The following SEC63 variants were observed in gnomAD, a reference collection of about 807,000 sequenced individuals.
The protein encoded by SEC63 is SEC63 protein translocation regulator, also known as translocation protein SEC63 homolog.
SEC63 carries 56 observed loss-of-function variants against 116.2 expected under a neutral mutation model. The ratio of observed to expected loss-of-function variants is 0.48; its 90% confidence interval spans 0.39 to 0.60. The LOEUF is 0.60. SEC63 is among the 20% of genes least tolerant of loss of function. SEC63 has a pLI of 0.00. For synonymous variants in SEC63, 273 were observed against 294.6 expected (o/e 0.93, Z 0.75); for missense variants, 668 against 900.0 (o/e 0.74, Z 3.30).
intron 2 of SEC63, among the ~76,000 whole-genome samples, chr6:107,928,100 C>T (rs1787717182): frequency 6.6e-6 from 1 of 152,042 alleles, no homozygotes. Flanking sequence ...GAGAAAATTA[C>T]TCTTTTCAAG....
At chr6:107,872,656 G>T (rs538242685) in intron 20 of SEC63, 152 bp downstream of exon 20, 3 of 582,140 alleles carry the variant, frequency 5.2e-6, no homozygotes, top group East Asian at 3.0e-5. Flanking sequence ...GTTTATTATT[G>T]AAAGAGTAGT....
intron 4 of SEC63, among the ~76,000 whole-genome samples, chr6:107,920,208 C>T (rs1428308022): frequency 2.0e-5 from 3 of 151,626 alleles, no homozygotes; most frequent in Non-Finnish European, 4.4e-5. Context: ...AGGATCACGA[C>T]GTCAGGAAAT....
intron 1 of SEC63, among the ~76,000 whole-genome samples, chr6:107,941,288 C>CA (rs1392321631): frequency 2.0e-5 from 3 of 151,634 alleles, no homozygotes; most frequent in African/African-American, 7.3e-5. Flanking sequence ...CTCATCACTA[C>CA]AAAAAAAATT....
chr6:107,881,624 A>C (rs913042333), intron 17 of SEC63, among the ~76,000 whole-genome samples: 1 of 151,920 alleles, frequency 6.6e-6, no homozygotes, highest in Non-Finnish European at 1.5e-5. Context: ...TTCTCTGCCT[A>C]CTCATTATTA....
chr6:107,896,813 T>A (rs1786846566), intron 14 of SEC63, among the ~76,000 whole-genome samples: 1 of 151,998 alleles, frequency 6.6e-6, no homozygotes, highest in Non-Finnish European at 1.5e-5. Context: ...ACCCCATCTC[T>A]ACTAAAAACA....
intron 1 of SEC63, among the ~76,000 whole-genome samples, chr6:107,950,876 A>G (rs1770566727): frequency 6.6e-6 from 1 of 152,268 alleles, no homozygotes; most frequent in Non-Finnish European, 1.5e-5. Flanking sequence ...AAAGAATAAA[A>G]GCATGCTTTT....
At position 107,897,651 on chromosome 6, in the gene SEC63, C is replaced by T. The variant is rs1208558232; in HGVS notation, c.1438G>A (p.Ala480Thr). Residue 480 changes from alanine to threonine, a missense_variant and splice_region_variant, in exon 14 of 21, where the codon GCT becomes ACT. Coordinates refer to ENST00000369002, the MANE Select transcript of SEC63 (RefSeq NM_007214.5). ...AAAAATACAGATAGACTACTTACAG[C>T]CATTGTTTGCCTTGTCAACTTAACC... The part of the protein sequence containing the change: ...VLVKLTRQTM[A>T]EVFEKEQSIC... 5 of 1,581,310 alleles carry T rather than the reference C, an allele frequency of 3.2e-6. No homozygotes were observed. Among genetic ancestry groups the T allele is most frequent in the Non-Finnish European group, 4.3e-6 (5 of 1,150,494 alleles).
At chr6:107,904,903 A>T (rs546015318) in intron 10 of SEC63, among the ~76,000 whole-genome samples, 182 bp from the exon 11 acceptor site, 1 of 152,276 alleles carries the variant, frequency 6.6e-6, no homozygotes, top group East Asian at 1.9e-4. Flanking sequence ...CAGCCATAAA[A>T]CCCTAGCTCA....
At chr6:107,953,863 C>T in intron 1 of SEC63, among the ~76,000 whole-genome samples, 1 of 144,250 alleles carries the variant, frequency 6.9e-6, no homozygotes, top group South Asian at 2.1e-4. Context: ...GCCCCCCGCC[C>T]GGCCAGCCGC....
chr6:107,940,753 C>T (rs911367978), intron 1 of SEC63, among the ~76,000 whole-genome samples: 2 of 148,770 alleles, frequency 1.3e-5, no homozygotes, highest in South Asian at 2.1e-4. Flanking sequence ...TGGATGAAAA[C>T]GCAACAATTG....
At chr6:107,953,581 C>T (rs1377090556) in intron 1 of SEC63, among the ~76,000 whole-genome samples, 46 of 137,050 alleles carry the variant, frequency 3.4e-4, no homozygotes, top group South Asian at 4.7e-4. Context: ...GGGGGGTCAG[C>T]CCCCCGCCCG....
At chr6:107,872,752 G>T in intron 20 of SEC63, 56 bp downstream of exon 20, 5 of 1,017,846 alleles carry the variant, frequency 4.9e-6, no homozygotes, top group Non-Finnish European at 7.6e-6. Flanking sequence ...TGTTTTCCTA[G>T]TATATTAAAC....
intron 2 of SEC63, among the ~76,000 whole-genome samples, chr6:107,925,420 A>C (rs573957594): frequency 1.3e-4 from 20 of 152,348 alleles, no homozygotes; most frequent in African/African-American, 4.8e-4. Context: ...GGAACTGATT[A>C]AATAAACTAT....
rs753352327 is a variant in SEC63, at chr6:107,929,496, T to C, written c.143A>G (p.Asn48Ser). Reference sequence around the variant, plus strand: ...ACACCTTCCATATACTTTTCTGATATTCTTTAATCGAATTTGCTCTGTCAA... The same window carrying C: ...ACACCTTCCATATACTTTTCTGATACTCTTTAATCGAATTTGCTCTGTCAA... The part of the protein sequence containing the change: ...DQNAEQIRLK[N>S]IRKVYGRCMW... The change falls in exon 2 of 21, where the codon AAT becomes AGT. Residue 48 changes from asparagine (N) to serine (S), a missense_variant. Transcript: ENST00000369002. 6.3e-7 allele frequency: 1 copy of C among 1,595,492 alleles called. No homozygotes were observed. The highest frequency in any genetic ancestry group is 8.6e-7 in the Non-Finnish European group (1 of 1,163,430).
Position 107,958,068 on chromosome 6 carries a change from TC to T in SEC63, c.-60del. On this transcript the variant is annotated 5_prime_UTR_variant, in exon 1 of 21. Transcript: ENST00000369002. The stretch of plus-strand genomic sequence containing the variant: ...CCGCCGCCACGACCACGCTCTGCAC[TC>T]CCGCTCCCAACGCCCCGGCCCGAGT... The T allele has an allele frequency of 1.9e-6, 3 of 1,597,670 alleles. No homozygotes were observed. The highest frequency in any genetic ancestry group is 2.6e-6 in the Non-Finnish European group (3 of 1,170,072).
intron 2 of SEC63, among the ~76,000 whole-genome samples, chr6:107,926,988 A>G (rs575018832): frequency 6.6e-6 from 1 of 152,176 alleles, no homozygotes; most frequent in Non-Finnish European, 1.5e-5. Context: ...CAATTTTTTT[A>G]AAAAACCTGT....
chr6:107,890,395 G>GC (rs769612548), intron 16 of SEC63, among the ~76,000 whole-genome samples: 5 of 152,124 alleles, frequency 3.3e-5, no homozygotes, highest in Non-Finnish European at 7.4e-5. Context: ...TATAAACCCT[G>GC]CTTTTTTTTG....
chr6:107,912,676 G>C (rs1277300482), intron 6 of SEC63, 40 bp downstream of exon 6: 2 of 1,306,656 alleles, frequency 1.5e-6, no homozygotes, highest in Admixed American at 3.4e-5. Flanking sequence ...CAAAAATTTT[G>C]TCTAATACAT....
intron 16 of SEC63, among the ~76,000 whole-genome samples, chr6:107,886,862 T>TG (rs1786541996): frequency 6.8e-6 from 1 of 147,174 alleles, no homozygotes; most frequent in African/African-American, 2.5e-5. Flanking sequence ...TTTTTTTTTT[T>TG]GCTGTGCAGA....
Sources: allele counts gnomAD v4.1 joint callset (sites outside exome capture counted in the v4.1 genomes callset), GRCh38; gene constraint gnomAD v4.1.1; transcripts MANE v1.5; gene names NCBI Gene and HGNC (gene_info 2026-07-23, HGNC 2026-07-21).